The following NCKAP5 variants were observed in gnomAD, a reference collection of about 807,000 sequenced individuals.
NCKAP5 encodes NCK associated protein 5.
Under a neutral mutation model 167.0 loss-of-function variants are expected in NCKAP5, and 92 were observed. The ratio of observed to expected loss-of-function variants is 0.55; its 90% CI spans 0.47 to 0.66. NCKAP5 has a LOEUF of 0.66. Among genes scored for constraint, NCKAP5 ranks in the 30% least tolerant of loss-of-function variants. NCKAP5 has a pLI of 0.00. For synonymous variants in NCKAP5, 891 were observed against 877.4 expected (o/e 1.02, Z -0.27); for missense variants, 2,378 against 2,315.0 (o/e 1.03, Z -0.56).
At chr2:133,587,375 C>T in the NCKAP5 span, among the ~76,000 whole-genome samples, 1 of 152,158 alleles carries the variant, frequency 6.6e-6, no homozygotes, top group Non-Finnish European at 1.5e-5. Flanking sequence ...CATTGTGTGG[C>T]CAACTTAACT....
At chr2:133,302,951 C>T in intron 4 of NCKAP5, 86 bp downstream of exon 4, 1 of 933,054 alleles carries the variant, frequency 1.1e-6, no homozygotes, top group Non-Finnish European at 1.7e-6. Context: ...AGTATATATT[C>T]TGTAGTCTAA....
At chr2:132,994,389 T>G in intron 6 of NCKAP5, 150 bp from the exon 7 acceptor site, 1 of 617,354 alleles carries the variant, frequency 1.6e-6, no homozygotes, top group South Asian at 2.1e-5. Context: ...ATCAGTTATC[T>G]GTCATGAAGT....
rs543498559 is a variant in NCKAP5, at chr2:133,276,383, T to C, written c.143+26654A>G. Among the ~76,000 whole-genome samples, 58 of 152,130 alleles carry C rather than the reference T, an allele frequency of 3.8e-4. 1 individual carries two copies. The South Asian group carries it at 0.012, about 31-fold the overall frequency. ...TCCTATGTTGTTCAAGGGCCAATTA[T>C]ACAAGATAGGAAATGACAAATGGGA... On this transcript the variant is annotated intron_variant, in intron 4 of 19. Transcript: ENST00000409261.
intron 3 of NCKAP5, among the ~76,000 whole-genome samples, chr2:133,352,625 T>G (rs1381496163): frequency 4.3e-4 from 65 of 152,154 alleles, no homozygotes; most frequent in African/African-American, 1.5e-3. Flanking sequence ...GCTGAGTGGC[T>G]GAGTGTAGTG....
At chr2:133,611,310 T>C in the NCKAP5 span, among the ~76,000 whole-genome samples, 1 of 150,982 alleles carries the variant, frequency 6.6e-6, no homozygotes, top group Admixed American at 6.6e-5. Flanking sequence ...GCATTTCTGG[T>C]CTCCTTCTCC....
intron 7 of NCKAP5, among the ~76,000 whole-genome samples, chr2:132,979,996 C>CTTT (rs1273323851): frequency 1.5e-5 from 2 of 134,672 alleles, no homozygotes; most frequent in Admixed American, 7.5e-5. Context: ...TTTTCTTTTT[C>CTTT]TTTTTTTTTT....
chr2:133,326,407 T>G (rs1682446490), intron 3 of NCKAP5, among the ~76,000 whole-genome samples: 1 of 142,000 alleles, frequency 7.0e-6, no homozygotes, highest in African/African-American at 2.7e-5. Flanking sequence ...TGAGCCGAGT[T>G]CACACCACTA....
intron 3 of NCKAP5, among the ~76,000 whole-genome samples, chr2:133,430,206 C>T (rs1354969520): frequency 1.3e-5 from 2 of 151,860 alleles, no homozygotes; most frequent in East Asian, 3.8e-4. Flanking sequence ...ATTATCTTTG[C>T]CCACTTTTTA....
At chr2:133,374,424 A>G (rs1686003993) in intron 3 of NCKAP5, among the ~76,000 whole-genome samples, 1 of 152,192 alleles carries the variant, frequency 6.6e-6, no homozygotes, top group Non-Finnish European at 1.5e-5. Flanking sequence ...GTCATTATAC[A>G]TTTGTCCAAC....
intron 3 of NCKAP5, among the ~76,000 whole-genome samples, chr2:133,366,163 A>T (rs1685446775): frequency 6.6e-6 from 1 of 152,202 alleles, no homozygotes; most frequent in Admixed American, 6.5e-5. Flanking sequence ...ATTTTGGACA[A>T]CCATTTTGAG....
chr2:133,639,085 T>C, the NCKAP5 span, among the ~76,000 whole-genome samples: 6 of 152,102 alleles, frequency 3.9e-5, no homozygotes, highest in Non-Finnish European at 4.4e-5. Flanking sequence ...GCATGATCAA[T>C]CTCAATCATA....
At chr2:133,624,729 A>G in the NCKAP5 span, among the ~76,000 whole-genome samples, 10 of 152,142 alleles carry the variant, frequency 6.6e-5, no homozygotes, top group Admixed American at 2.0e-4. Flanking sequence ...GAGTAGAACC[A>G]TTTCCTGCCC....
intron 4 of NCKAP5, among the ~76,000 whole-genome samples, chr2:133,246,297 T>A (rs951096622): frequency 6.6e-6 from 1 of 151,790 alleles, no homozygotes; most frequent in Non-Finnish European, 1.5e-5. Flanking sequence ...AATGGAGCAA[T>A]GACATGAAAA....
chr2:133,610,489 T>C, the NCKAP5 span, among the ~76,000 whole-genome samples: 1 of 152,210 alleles, frequency 6.6e-6, no homozygotes, highest in Non-Finnish European at 1.5e-5. Context: ...TTGATCCCCA[T>C]AATGTCATGG....
chr2:132,801,637 T>A (rs992876337), intron 11 of NCKAP5, among the ~76,000 whole-genome samples: 4 of 152,106 alleles, frequency 2.6e-5, no homozygotes, highest in African/African-American at 9.7e-5. Flanking sequence ...CTCATACAGG[T>A]GTAAAATACC....
the NCKAP5 span, among the ~76,000 whole-genome samples, chr2:133,662,970 T>TA: frequency 1.3e-5 from 2 of 151,690 alleles, no homozygotes; most frequent in Admixed American, 6.6e-5. Flanking sequence ...ATTTGTTGCT[T>TA]AAAAAAAATG....
At chr2:132,824,108 T>C (rs563922852) in intron 11 of NCKAP5, among the ~76,000 whole-genome samples, 64 of 148,148 alleles carry the variant, frequency 4.3e-4, no homozygotes, top group African/African-American at 1.3e-3. Context: ...ATAAGGAATA[T>C]CTCAGGATTT....
chr2:133,469,649 C>A (rs7573557), intron 3 of NCKAP5, among the ~76,000 whole-genome samples: 1,950 of 152,172 alleles, frequency 0.013, 34 homozygotes, highest in Non-Finnish European at 0.014. Context: ...CAGGTACACC[C>A]ATCAGATGTA....
intron 3 of NCKAP5, among the ~76,000 whole-genome samples, chr2:133,422,439 T>A (rs1436970711): frequency 6.6e-6 from 1 of 152,116 alleles, no homozygotes; most frequent in Non-Finnish European, 1.5e-5. Context: ...ATCCTATAGA[T>A]CCCTTGGTGC....
Sources: allele counts gnomAD v4.1 joint callset (sites outside exome capture counted in the v4.1 genomes callset), GRCh38; gene constraint gnomAD v4.1.1; transcripts MANE v1.5; gene names NCBI Gene and HGNC (gene_info 2026-07-23, HGNC 2026-07-21).